Variants in AFG2A observed in about 807,000 individuals in gnomAD.
The protein encoded by AFG2A is ATPase family gene 2 protein homolog A.
chr4:123,074,444 TTTC>T, the AFG2A span, among the ~76,000 whole-genome samples: 93,770 of 119,906 alleles, frequency 0.78, 35,000 homozygotes, highest in East Asian at 0.9. Context: ...CCATTCTTTT[TTTC>T]TTTTTTTTTT....
At chr4:123,152,533 A>C in the AFG2A span, among the ~76,000 whole-genome samples, 4 of 152,226 alleles carry the variant, frequency 2.6e-5, no homozygotes. Flanking sequence ...TTATACATCA[A>C]AAGAGAAATG....
the AFG2A span, among the ~76,000 whole-genome samples, chr4:122,985,396 T>G: frequency 6.6e-6 from 1 of 152,298 alleles, no homozygotes; most frequent in Non-Finnish European, 1.5e-5. Context: ...CTGAATGTGC[T>G]GGGATTATAG....
chr4:123,046,872 T>C, the AFG2A span, among the ~76,000 whole-genome samples: 1 of 152,190 alleles, frequency 6.6e-6, no homozygotes, highest in Non-Finnish European at 1.5e-5. Context: ...CTTGCACATA[T>C]GAGTGAGAAC....
chr4:123,223,540 G>A, the AFG2A span, among the ~76,000 whole-genome samples: 1 of 152,270 alleles, frequency 6.6e-6, no homozygotes, highest in Admixed American at 6.5e-5. Context: ...GAAGGCAAAG[G>A]GGAAGCAGGC....
the AFG2A span, among the ~76,000 whole-genome samples, chr4:123,233,785 C>A: frequency 1.8e-4 from 27 of 151,584 alleles, no homozygotes; most frequent in Admixed American, 1.3e-3. Context: ...ACATATATAC[C>A]TCAGTATATG....
the AFG2A span, chr4:122,935,807 A>G: frequency 6.2e-7 from 1 of 1,612,790 alleles, no homozygotes; most frequent in Non-Finnish European, 8.5e-7. Flanking sequence ...GTTGGAGCCT[A>G]TGTTTCTGTA....
the AFG2A span, among the ~76,000 whole-genome samples, chr4:123,271,316 T>C: frequency 2.2e-4 from 34 of 152,250 alleles, no homozygotes; most frequent in Non-Finnish European, 4.3e-4. Flanking sequence ...TGGAATGGCT[T>C]GAGGATGTTC....
At chr4:122,942,987 G>C in the AFG2A span, among the ~76,000 whole-genome samples, 1 of 152,054 alleles carries the variant, frequency 6.6e-6, no homozygotes, top group African/African-American at 2.4e-5. Context: ...TGATTGCACT[G>C]TGGTCTGAGA....
the AFG2A span, among the ~76,000 whole-genome samples, chr4:123,203,409 G>A: frequency 6.6e-5 from 10 of 151,672 alleles, no homozygotes; most frequent in African/African-American, 1.9e-4. Context: ...TGCAACCTCC[G>A]CCTCCTGGGT....
chr4:123,048,552 T>C, the AFG2A span, among the ~76,000 whole-genome samples: 4 of 152,178 alleles, frequency 2.6e-5, no homozygotes, highest in African/African-American at 9.6e-5. Context: ...ATGTTTTATA[T>C]AGTTTTCCTT....
chr4:123,268,546 G>C, the AFG2A span, among the ~76,000 whole-genome samples: 1 of 152,090 alleles, frequency 6.6e-6, no homozygotes, highest in Non-Finnish European at 1.5e-5. Context: ...ACATTCAAAG[G>C]ACTAAAAATT....
chr4:122,990,464 T>G, the AFG2A span, among the ~76,000 whole-genome samples: 1 of 152,220 alleles, frequency 6.6e-6, no homozygotes, highest in South Asian at 2.1e-4. Context: ...ATAGTTCTCT[T>G]GGTCATTAAC....
At chr4:123,312,824 C>G in the AFG2A span, among the ~76,000 whole-genome samples, 1 of 152,176 alleles carries the variant, frequency 6.6e-6, no homozygotes, top group Non-Finnish European at 1.5e-5. Flanking sequence ...TGAAAGCTCC[C>G]TAAACATGCT....
At chr4:122,934,242 G>A in the AFG2A span, 46 of 1,614,010 alleles carry the variant, frequency 2.9e-5, no homozygotes, top group South Asian at 5.5e-5. Flanking sequence ...CCCAAAGAAT[G>A]GCCTTTGAAC....
At chr4:123,233,133 A>G in the AFG2A span, among the ~76,000 whole-genome samples, 1 of 152,116 alleles carries the variant, frequency 6.6e-6, no homozygotes, top group African/African-American at 2.4e-5. Context: ...TAATCGCATG[A>G]CCCACGTGAA....
chr4:123,001,417 T>C, the AFG2A span, among the ~76,000 whole-genome samples: 1 of 152,088 alleles, frequency 6.6e-6, no homozygotes, highest in Non-Finnish European at 1.5e-5. Context: ...TTTGGATCTT[T>C]CCTGCTTTCT....
chr4:123,256,709 A>G, the AFG2A span: 1 of 985,392 alleles, frequency 1.0e-6, no homozygotes, highest in Non-Finnish European at 1.2e-6. Flanking sequence ...TCACAGTAAA[A>G]GGGACCATCT....
At chr4:123,235,752 A>G in the AFG2A span, among the ~76,000 whole-genome samples, 2 of 152,240 alleles carry the variant, frequency 1.3e-5, no homozygotes, top group Non-Finnish European at 2.9e-5. Flanking sequence ...CTACAAAACC[A>G]CATTCCCACA....
At chr4:123,175,812 C>T in the AFG2A span, among the ~76,000 whole-genome samples, 2 of 152,104 alleles carry the variant, frequency 1.3e-5, no homozygotes. Context: ...TGTAACAGAG[C>T]AATAAAATAA....
Sources: gnomAD v4.1 joint callset for allele counts (sites outside exome capture counted in the v4.1 genomes callset) on GRCh38, gnomAD v4.1.1 for gene constraint, MANE v1.5 for transcripts, NCBI Gene and HGNC (gene_info 2026-07-23, HGNC 2026-07-21) for gene names.